PLEKHM1: variants seen among roughly 807,000 people sequenced by gnomAD.
PLEKHM1 encodes pleckstrin homology and RUN domain containing M1, also known as pleckstrin homology domain-containing family M member 1.
A neutral mutation model predicts 94.3 loss-of-function variants in PLEKHM1; 28 were observed. That is an observed-to-expected ratio of 0.30 (90% CI 0.22 to 0.41). The LOEUF is 0.41. Ranked by LOEUF, PLEKHM1 falls within the 10% of genes least tolerant of loss-of-function variation. PLEKHM1 has a pLI of 1.00. For synonymous variants in PLEKHM1, 424 were observed against 581.2 expected (o/e 0.73, Z 3.89); for missense variants, 907 against 1,358.6 (o/e 0.67, Z 5.22).
rs757359910 is a variant in PLEKHM1, at chr17:45,454,062, A to T, written c.1790T>A (p.Val597Asp). 1 of 1,614,206 alleles carries T rather than the reference A, an allele frequency of 6.2e-7. No homozygotes were observed. ...PAHSDGRFEL[V>D]FSGKKLALRA... ...CAGGGCCAGCTTCTTGCCAGAGAAG[A>T]CCAGCTCAAAGCGCCCATCACTATG... Residue 597 changes from valine (V) to aspartate (D), a missense_variant, in exon 7 of 12, where the codon GTC (valine) becomes GAC (aspartate). Around this residue, in one of 3 missense-constraint regions of PLEKHM1, gnomAD observed 477 missense variants for 601.5 expected, o/e 0.79. Coordinates refer to ENST00000430334, the MANE Select transcript of PLEKHM1 (RefSeq NM_014798.3).
intron 1 of PLEKHM1, 74 bp from the exon 2 acceptor site, chr17:45,482,599 G>T (rs2051988344): frequency 8.5e-6 from 7 of 827,088 alleles, no homozygotes; most frequent in Non-Finnish European, 2.1e-6. Context: ...CCAGCAAGCA[G>T]CAGGAGGTCA....
chr17:45,460,209 C>T (rs1229636229), intron 5 of PLEKHM1: 2 of 152,196 alleles, frequency 1.3e-5, no homozygotes, highest in Non-Finnish European at 1.5e-5. Flanking sequence ...GGAACAGATT[C>T]TTCCTTAGAT....
At position 45,490,530 on chromosome 17, in the gene PLEKHM1, G is replaced by A. The variant is rs977977564; in HGVS notation, c.-42+122C>T. The A allele has an allele frequency of 2.4e-5, 9 of 372,470 alleles. 1 individual carries two copies. The highest frequency in any genetic ancestry group is 2.0e-4 in the African/African-American group (9 of 45,616). The allele number at this position is 372,470 out of a possible 1,614,324, so 23.1% of individuals were successfully genotyped here. ...GGACAGGGCTGAGGGCCCTGAAGCC[G>A]GGCAGTCTCAGGGTAACCAGGGGCT... On this transcript the variant is annotated intron_variant, in intron 1 of 11. Coordinates refer to ENST00000430334, the MANE Select transcript of PLEKHM1 (RefSeq NM_014798.3).
At chr17:45,469,259 TCA>T (rs570657642) in intron 4 of PLEKHM1, among the ~76,000 whole-genome samples, 72 of 152,232 alleles carry the variant, frequency 4.7e-4, no homozygotes, top group African/African-American at 1.6e-3. Flanking sequence ...GTGCCCCTGC[TCA>T]CTCTCTATGG....
chr17:45,450,264 C>A (rs1169904919), intron 8 of PLEKHM1, among the ~76,000 whole-genome samples: 3 of 152,234 alleles, frequency 2.0e-5, no homozygotes, highest in Non-Finnish European at 4.4e-5. Flanking sequence ...CATCCACCTA[C>A]CTACCTGACC....
chr17:45,454,575 C>A, intron 6 of PLEKHM1: 1 of 565,492 alleles, frequency 1.8e-6, no homozygotes, highest in Non-Finnish European at 3.2e-6. Context: ...AGGGATGAAC[C>A]AAGTGTGCTT....
Position 45,454,026 on chromosome 17 carries a change from G to A in PLEKHM1, c.1826C>T (p.Ser609Phe), listed in dbSNP as rs774274190. 1.9e-6 allele frequency: 3 copies of A among 1,614,024 alleles called. No homozygotes were observed. The highest frequency in any genetic ancestry group is 2.7e-5 in the African/African-American group (2 of 74,946). The change falls in exon 7 of 12, where the codon TCC (serine) becomes TTC (phenylalanine). Residue 609 changes from serine to phenylalanine, a missense_variant. By Grantham distance (155) the Ser-to-Phe change is radical. Coordinates refer to ENST00000430334, the MANE Select transcript of PLEKHM1 (RefSeq NM_014798.3). ...CAGCCAGTCCTCAGCTTCGTCCTGG[G>A]AGGAGGCGCGCAGGGCCAGCTTCTT... is the stretch of plus-strand genomic sequence containing the variant. ...SGKKLALRAS[S>F]QDEAEDWLDR...
intron 5 of PLEKHM1, 83 bp downstream of exon 5, chr17:45,468,126 A>AC (rs1305724625): frequency 6.3e-7 from 1 of 1,582,018 alleles, no homozygotes; most frequent in Non-Finnish European, 8.6e-7. Context: ...AAAGGCAGAG[A>AC]CCACTCAGGG....
In PLEKHM1 at chr17:45,454,035, C is replaced by T. The variant is rs772548345; in HGVS notation, c.1817G>A (p.Arg606His). The T allele has an allele frequency of 6.8e-6, 11 of 1,614,004 alleles. No homozygotes were observed. Among genetic ancestry groups the T allele is most frequent in the Non-Finnish European group, 7.6e-6 (9 of 1,179,988 alleles). The change falls in exon 7 of 12, where the codon CGC (arginine) becomes CAC (histidine). Residue 606 changes from arginine (R) to histidine (H), a missense_variant. This residue lies in a region of PLEKHM1 where 477 missense variants were observed against 601.5 expected (regional missense o/e 0.79). Coordinates refer to ENST00000430334, the MANE Select transcript of PLEKHM1 (RefSeq NM_014798.3). ...CTCAGCTTCGTCCTGGGAGGAGGCGCGCAGGGCCAGCTTCTTGCCAGAGAA... is the reference window on the plus strand; with the variant it reads ...CTCAGCTTCGTCCTGGGAGGAGGCGTGCAGGGCCAGCTTCTTGCCAGAGAA... ...LVFSGKKLALRASSQDEAEDW... is the reference protein window; with the variant it reads ...LVFSGKKLALHASSQDEAEDW...
chr17:45,470,112 C>A (rs1391650512), intron 4 of PLEKHM1, among the ~76,000 whole-genome samples: 1 of 151,890 alleles, frequency 6.6e-6, no homozygotes, highest in Non-Finnish European at 1.5e-5. Context: ...TAGACACCAA[C>A]ACATTTTAAT....
intron 1 of PLEKHM1, among the ~76,000 whole-genome samples, chr17:45,485,793 C>CCGG: frequency 6.6e-6 from 1 of 151,810 alleles, no homozygotes; most frequent in Non-Finnish European, 1.5e-5. Flanking sequence ...ATACCAGCTA[C>CCGG]TGGTATTACC....
In PLEKHM1 at chr17:45,437,335, C is replaced by T. The variant is rs1265794918; in HGVS notation, c.*523G>A. 26 of 453,988 alleles carry T rather than the reference C, an allele frequency of 5.7e-5. No individual in the cohort carries two copies. Among genetic ancestry groups the T allele is most frequent in the Non-Finnish European group, 9.3e-5 (21 of 226,820 alleles). 28.1% of individuals were successfully genotyped at this position (453,988 alleles called of 1,614,324 possible). A position where few individuals can be genotyped will look rare whatever the true frequency, so the allele number is the denominator to read the frequency against. ...AGCAGTGGCCTGCCCACCAGCCACC[C>T]GCTACCTCTAAGCCAGGCCTGAGTG... On this transcript the variant is annotated 3_prime_UTR_variant, in exon 12 of 12. Transcript: ENST00000430334. The surrounding 1 kb of genome is among the most constrained non-coding windows in gnomAD (Gnocchi z 4.0).
intron 6 of PLEKHM1, among the ~76,000 whole-genome samples, chr17:45,455,903 G>A (rs1417147001): frequency 6.6e-6 from 1 of 152,176 alleles, no homozygotes; most frequent in Non-Finnish European, 1.5e-5. Flanking sequence ...AAGCCAAAGT[G>A]CTTCCAGTGG....
intron 6 of PLEKHM1, among the ~76,000 whole-genome samples, chr17:45,456,056 A>G (rs1456261661): frequency 6.6e-6 from 1 of 152,018 alleles, no homozygotes; most frequent in East Asian, 1.9e-4. Flanking sequence ...CTTGCTTGAA[A>G]CACGTACATT....
At chr17:45,457,170 C>T (rs1299220504) in intron 6 of PLEKHM1, among the ~76,000 whole-genome samples, 1 of 87,170 alleles carries the variant, frequency 1.1e-5, no homozygotes, top group East Asian at 3.2e-4. Context: ...GACTCTGCCT[C>T]AGAAAAAAAA....
At chr17:45,471,300 G>A (rs2051502444) in intron 4 of PLEKHM1, among the ~76,000 whole-genome samples, 1 of 130,572 alleles carries the variant, frequency 7.7e-6, no homozygotes, top group Non-Finnish European at 1.6e-5. Context: ...AATAATAAGG[G>A]TGGGAAAAGA....
intron 1 of PLEKHM1, among the ~76,000 whole-genome samples, chr17:45,484,832 C>T (rs2052061123): frequency 6.6e-6 from 1 of 151,750 alleles, no homozygotes; most frequent in Non-Finnish European, 1.5e-5. Flanking sequence ...GTTTCCTGGA[C>T]AGCCCTGGAG....
At chr17:45,461,822 G>A (rs2145254849) in intron 5 of PLEKHM1, among the ~76,000 whole-genome samples, 1 of 152,302 alleles carries the variant, frequency 6.6e-6, no homozygotes, top group East Asian at 1.9e-4. Flanking sequence ...AGATGGGGTT[G>A]CGGGGAGCAT....
At chr17:45,486,348 C>T (rs1315452412) in intron 1 of PLEKHM1, among the ~76,000 whole-genome samples, 4 of 151,314 alleles carry the variant, frequency 2.6e-5, no homozygotes, top group South Asian at 4.2e-4. Flanking sequence ...TTTGGGAGGC[C>T]GAGGCGGGTG....
Sources: allele counts gnomAD v4.1 joint callset (sites outside exome capture counted in the v4.1 genomes callset), GRCh38; gene constraint gnomAD v4.1.1; regional missense constraint gnomAD v4.1.1; non-coding constraint Gnocchi (gnomAD v3.1); transcripts MANE v1.5; gene names NCBI Gene and HGNC (gene_info 2026-07-23, HGNC 2026-07-21).